Variants in CFAP44 observed in about 807,000 individuals in gnomAD.
CFAP44 encodes the protein cilia and flagella associated protein 44, also known as cilia- and flagella-associated protein 44.
Under a neutral mutation model 216.2 loss-of-function variants are expected in CFAP44, and 134 were observed. That is an observed-to-expected ratio of 0.62 (90% CI 0.54 to 0.72). The LOEUF is 0.72. CFAP44 is among the 30% of genes least tolerant of loss of function. The probability of loss-of-function intolerance (pLI) is 0.00; values close to 1 mark genes in which losing one functional copy is unlikely to be tolerated. For missense variants in CFAP44, 2,035 were observed against 2,182.1 expected (o/e 0.93, Z 1.34); for synonymous variants, 700 against 727.6 (o/e 0.96, Z 0.61).
At chr3:113,298,786 T>A (rs1275100040) in intron 32 of CFAP44, among the ~76,000 whole-genome samples, 1 of 152,172 alleles carries the variant, frequency 6.6e-6, no homozygotes, top group Non-Finnish European at 1.5e-5. Context: ...CTTCGAGTAG[T>A]CAAGTTCACA....
At chr3:113,373,364 C>T (rs545852889) in intron 18 of CFAP44, 47 bp downstream of exon 18, 2 of 1,432,996 alleles carry the variant, frequency 1.4e-6, no homozygotes, top group East Asian at 2.6e-5. Context: ...AAAGCATAGA[C>T]ACTAACAGGA....
chr3:113,383,894 T>G (rs1933578993), intron 15 of CFAP44, among the ~76,000 whole-genome samples: 1 of 151,780 alleles, frequency 6.6e-6, no homozygotes, highest in African/African-American at 2.4e-5. Context: ...ATGCTATCCC[T>G]CCCCTAGCCC....
intron 11 of CFAP44, 61 bp downstream of exon 11, chr3:113,401,179 A>C: frequency 6.9e-7 from 1 of 1,449,868 alleles, no homozygotes; most frequent in Admixed American, 2.3e-5. Flanking sequence ...TACTTTAAAG[A>C]CAAATAACAA....
rs117998903 is a variant in CFAP44, at chr3:113,336,488, C to A, written c.3438-2905G>T. On this transcript the variant is annotated intron_variant, in intron 24 of 34. Coordinates refer to ENST00000393845, the MANE Select transcript of CFAP44 (RefSeq NM_001164496.2). ...TGAAATGCACAAATTTCTTCAAAGACACAAATTATAAAAACTAACTCAAGA... is the reference window on the plus strand; with the variant it reads ...TGAAATGCACAAATTTCTTCAAAGAAACAAATTATAAAAACTAACTCAAGA... Among the ~76,000 whole-genome samples the A allele has an allele frequency of 6.9e-3, 1,048 of 151,972 alleles. 9 individuals are homozygous for A. The highest frequency in any genetic ancestry group is 0.052 in the East Asian group (270 of 5,174).
At chr3:113,336,494 T>G (rs1296378619) in intron 24 of CFAP44, among the ~76,000 whole-genome samples, 1 of 151,908 alleles carries the variant, frequency 6.6e-6, no homozygotes, top group African/African-American at 2.4e-5. Context: ...AAGACACAAA[T>G]TATAAAAACT....
At chr3:113,338,543 T>C (rs1950302331) in intron 24 of CFAP44, among the ~76,000 whole-genome samples, 1 of 150,466 alleles carries the variant, frequency 6.6e-6, no homozygotes, top group Non-Finnish European at 1.5e-5. Flanking sequence ...AACTACCTCA[T>C]ACCAGATTTT....
intron 24 of CFAP44, 149 bp from the exon 25 acceptor site, chr3:113,333,732 C>T: frequency 2.1e-6 from 2 of 935,332 alleles, no homozygotes; most frequent in Admixed American, 3.3e-5. Flanking sequence ...AGAGCCCAAG[C>T]ATTTTTTAAA....
In CFAP44 at chr3:113,326,453, C is replaced by T. The variant is rs368696742; in HGVS notation, c.4508G>A (p.Gly1503Glu). 15 of 1,498,902 alleles carry T rather than the reference C, an allele frequency of 1.0e-5. No individual in the cohort carries two copies. The African/African-American group carries it at 2.1e-4, about 21-fold the overall frequency. 92.9% of individuals were successfully genotyped at this position (1,498,902 alleles called of 1,614,324 possible). A position where few individuals can be genotyped will look rare whatever the true frequency, so the allele number is the denominator to read the frequency against. The change falls in exon 28 of 35, where the codon GGA becomes GAA. Residue 1503 changes from glycine (G) to glutamate (E), a missense_variant. Around this residue, in one of 3 missense-constraint regions of CFAP44, gnomAD observed 1,883 missense variants for 2,023.7 expected, o/e 0.93. Coordinates refer to ENST00000393845, the MANE Select transcript of CFAP44 (RefSeq NM_001164496.2). ...IKRVKKKEVE[G>E]DADEDEESEE... ...AAGAAAGAAATACAAACCAGCATCT[C>T]CTTCAACTTCTTTTTTCTTTACCCG...
chr3:113,435,861 G>A (rs1240905384), intron 1 of CFAP44, among the ~76,000 whole-genome samples: 4 of 43,140 alleles, frequency 9.3e-5, no homozygotes, highest in African/African-American at 6.6e-4. Context: ...GTATGTACGT[G>A]TGTGTGTGTG....
chr3:113,293,924 A>G, intron 34 of CFAP44: 1 of 452,142 alleles, frequency 2.2e-6, no homozygotes, highest in Non-Finnish European at 4.4e-6. Context: ...CTGAAGCAGT[A>G]CAACTGGGTT....
At chr3:113,433,458 A>AAAAAAAAAAAAAAAT in intron 2 of CFAP44, 107 bp downstream of exon 2, 4 of 295,886 alleles carry the variant, frequency 1.4e-5, no homozygotes, top group Admixed American at 8.9e-5. Context: ...AAAAAAAAAG[A>AAAAAAAAAAAAAAAT]TCTATTTTAT....
Position 113,409,006 on chromosome 3 carries a change from C to CAAAAAAA in CFAP44, c.890+93_890+99dup, listed in dbSNP as rs56301009. ...ATAATTCTAATGTTAACCAAAACAG[C>CAAAAAAA]AAAAAAAAAAAAAAAAAAAAAAAGT... On this transcript the variant is annotated intron_variant, in intron 7 of 34. Coordinates refer to ENST00000393845, the MANE Select transcript of CFAP44 (RefSeq NM_001164496.2). The CAAAAAAA allele has an allele frequency of 7.8e-5, 25 of 319,556 alleles. 1 individual carries two copies. Among genetic ancestry groups the CAAAAAAA allele is most frequent in the African/African-American group, 2.8e-4 (8 of 28,712 alleles). 19.8% of individuals were successfully genotyped at this position (319,556 alleles called of 1,614,324 possible). A position where few individuals can be genotyped will look rare whatever the true frequency, so the allele number is the denominator to read the frequency against.
At chr3:113,372,575 G>A (rs1165951947) in intron 18 of CFAP44, among the ~76,000 whole-genome samples, 2 of 152,142 alleles carry the variant, frequency 1.3e-5, no homozygotes, top group Non-Finnish European at 2.9e-5. Flanking sequence ...ACCAGGGCCT[G>A]TTGGGGAGTG....
At chr3:113,382,174 T>C (rs1377381347) in intron 15 of CFAP44, among the ~76,000 whole-genome samples, 1 of 152,048 alleles carries the variant, frequency 6.6e-6, no homozygotes, top group Non-Finnish European at 1.5e-5. Context: ...TTAGGGAAAC[T>C]TAATACTCAA....
In CFAP44 at chr3:113,366,038, C is replaced by A. The variant is rs756245998; in HGVS notation, c.2715+1G>T. 28 of 1,607,724 alleles carry A rather than the reference C, an allele frequency of 1.7e-5. No homozygotes were observed. Among genetic ancestry groups the A allele is most frequent in the Non-Finnish European group, 2.3e-5 (27 of 1,175,874 alleles). ...AATTAACTGGTTAATTAATTACATA[C>A]CCTGGGAGATGGAACTTTGGCCTTC... On this transcript the variant is annotated splice_donor_variant, in intron 19 of 34. Transcript: ENST00000393845. LOFTEE classifies it high-confidence loss of function.
intron 32 of CFAP44, among the ~76,000 whole-genome samples, chr3:113,298,513 A>T (rs1949903469): frequency 6.6e-6 from 1 of 152,228 alleles, no homozygotes; most frequent in Admixed American, 6.5e-5. Flanking sequence ...GGAAGCAGAG[A>T]CATAAAGAGA....
At chr3:113,388,904 A>T in intron 15 of CFAP44, among the ~76,000 whole-genome samples, 1 of 152,210 alleles carries the variant, frequency 6.6e-6, no homozygotes, top group East Asian at 1.9e-4. Flanking sequence ...AAAGAAAGAG[A>T]TCAACCCCAA....
intron 22 of CFAP44, among the ~76,000 whole-genome samples, chr3:113,352,593 C>T (rs972251047): frequency 2.6e-5 from 4 of 152,222 alleles, no homozygotes; most frequent in African/African-American, 9.6e-5. Context: ...AATGGCAGAG[C>T]AGGAGAAACC....
chr3:113,393,348 T>C lies in CFAP44; in HGVS notation c.1890+2402A>G, dbSNP rs1402387448. ...ATGTTTGTCCCCTCCAAATCTCATG[T>C]TGGAATTTGATCTCTAATGTTAGAC... is the stretch of plus-strand genomic sequence containing the variant. On this transcript the variant is annotated intron_variant, in intron 15 of 34. Transcript: ENST00000393845. 2.0e-5 allele frequency among the ~76,000 whole-genome samples: 3 copies of C among 152,200 alleles called. 1 individual carries two copies. The highest frequency in any genetic ancestry group is 4.1e-4 in the South Asian group (2 of 4,832).
Sources: gnomAD v4.1 joint callset for allele counts (sites outside exome capture counted in the v4.1 genomes callset) on GRCh38, gnomAD v4.1.1 for gene constraint, gnomAD v4.1.1 regional missense constraint, MANE v1.5 for transcripts, NCBI Gene and HGNC (gene_info 2026-07-23, HGNC 2026-07-21) for gene names.